The following TACC2 variants were observed in gnomAD, a reference collection of about 807,000 sequenced individuals.
The protein encoded by TACC2 is transforming acidic coiled-coil containing protein 2, also known as transforming acidic coiled-coil-containing protein 2.
Under a neutral mutation model 227.3 loss-of-function variants are expected in TACC2, and 137 were observed. The ratio of observed to expected loss-of-function variants is 0.60; its 90% CI spans 0.52 to 0.69. The LOEUF is 0.69. Among genes scored for constraint, TACC2 ranks in the 30% least tolerant of loss-of-function variants. The pLI, the probability that TACC2 is intolerant of heterozygous loss-of-function variation, is 0.00. For synonymous variants in TACC2, 1,523 were observed against 1,487.5 expected, an observed-to-expected ratio of 1.02 and a Z score of -0.55; for missense variants, 3,470 against 3,694.4, an observed-to-expected ratio of 0.94 and a Z score of 1.57.
chr10:122,023,826 G>GTAA, intron 2 of TACC2: 1 of 145,434 alleles, frequency 6.9e-6, no homozygotes, highest in Middle Eastern at 3.3e-3. Flanking sequence ...TGAGGGGGGG[G>GTAA]AAAAAAAAAG....
intron 5 of TACC2, among the ~76,000 whole-genome samples, chr10:122,114,878 T>TA (rs1184093561): frequency 6.6e-6 from 1 of 152,168 alleles, no homozygotes; most frequent in Non-Finnish European, 1.5e-5. Context: ...TTTTCTCTCT[T>TA]AAAAAAATAA....
chr10:122,111,032 G>A (rs771385418), intron 5 of TACC2, among the ~76,000 whole-genome samples: 4 of 152,000 alleles, frequency 2.6e-5, no homozygotes, highest in African/African-American at 9.7e-5. Context: ...CTAATCTCTC[G>A]CTCACTGTGC....
At chr10:122,089,297 G>A (rs1449264822) in intron 5 of TACC2, among the ~76,000 whole-genome samples, 3 of 151,894 alleles carry the variant, frequency 2.0e-5, no homozygotes, top group Admixed American at 6.6e-5. Context: ...CCCCACACCC[G>A]CCGCATCATC....
In TACC2 at chr10:122,237,999, T is replaced by C. The variant is rs2095893659; in HGVS notation, c.8310T>C (p.Asp2770=). ...AGAGAGAGGTCTCAGAATGGAAAGA[T>C]AAATATGAAGAAAGCAGGCGGGAAG... ...TKEREVSEWK[D]KYEESRREVM... The change falls in exon 18 of 23, where the codon GAT becomes GAC. Residue 2770 remains aspartate (D), a synonymous_variant. Transcript: ENST00000369005. 1 of 1,614,120 alleles carries C rather than the reference T, an allele frequency of 6.2e-7. No individual in the cohort carries two copies. The highest frequency in any genetic ancestry group is 8.5e-7 in the Non-Finnish European group (1 of 1,180,020).
At chr10:122,108,426 G>C (rs11200402) in intron 5 of TACC2, among the ~76,000 whole-genome samples, 1 of 143,494 alleles carries the variant, frequency 7.0e-6, no homozygotes, top group Admixed American at 7.2e-5. Flanking sequence ...ATATATATAT[G>C]TGTATGTCAT....
At chr10:122,242,122 G>A (rs2096009605) in intron 19 of TACC2, 121 bp downstream of exon 19, 9 of 914,010 alleles carry the variant, frequency 9.8e-6, no homozygotes, top group Non-Finnish European at 1.6e-5. Flanking sequence ...TTCAGGGAAG[G>A]ACCAGAGCAT....
intron 3 of TACC2, among the ~76,000 whole-genome samples, chr10:122,054,597 C>G (rs2076035932): frequency 6.6e-6 from 1 of 152,162 alleles, no homozygotes; most frequent in African/African-American, 2.4e-5. Flanking sequence ...TTAGTTAGGT[C>G]AAAAATTGTT....
intron 1 of TACC2, among the ~76,000 whole-genome samples, chr10:121,990,318 G>A (rs919695532): frequency 2.0e-5 from 3 of 151,728 alleles, no homozygotes; most frequent in African/African-American, 7.3e-5. Context: ...GGGTCTCGCC[G>A]TGTTGGCCAG....
chr10:122,192,582 C>T lies in TACC2; in HGVS notation c.5835-2458C>T, dbSNP rs928247141. On this transcript the variant is annotated intron_variant, in intron 7 of 22. Transcript: ENST00000369005. ...CATCTGTGGCCGGTGGTGCAGCTAA[C>T]TTTTTTGGTGACATTGAAAGAGATT... 47 of 413,520 alleles carry T rather than the reference C, an allele frequency of 1.1e-4. 1 individual carries two copies. Among genetic ancestry groups the T allele is most frequent in the South Asian group, 7.8e-4 (46 of 58,898 alleles). 25.6% of individuals were successfully genotyped at this position (413,520 alleles called of 1,614,324 possible).
In TACC2 at chr10:122,141,243, G is replaced by A. The variant is rs1423791553; in HGVS notation, c.5700-2329G>A. 6.6e-6 allele frequency among the ~76,000 whole-genome samples: 1 copy of A among 152,180 alleles called. No individual in the cohort carries two copies. The highest frequency in any genetic ancestry group is 2.4e-5 in the African/African-American group (1 of 41,442). On this transcript the variant is annotated intron_variant, in intron 6 of 22. Coordinates refer to ENST00000369005, the MANE Select transcript of TACC2 (RefSeq NM_206862.4). The surrounding 1 kb of genome is among the most constrained non-coding windows in gnomAD (Gnocchi z 4.3). ...AGGAGGTGTCTGTGGGGGCCCATGTGTTAGCGCTTGGGCTTGGATGGTGAG... is the reference window on the plus strand; with the variant it reads ...AGGAGGTGTCTGTGGGGGCCCATGTATTAGCGCTTGGGCTTGGATGGTGAG...
intron 5 of TACC2, 65 bp from the exon 6 acceptor site, chr10:122,132,544 C>T (rs778468385): frequency 3.7e-5 from 59 of 1,597,906 alleles, no homozygotes; most frequent in East Asian, 1.1e-4. Flanking sequence ...AGCGAAACTC[C>T]GTCTCAAAAC....
At position 122,107,719 on chromosome 10, in the gene TACC2, T is replaced by C. The variant is rs2082994371; in HGVS notation, c.5573+19128T>C. On this transcript the variant is annotated intron_variant, in intron 5 of 22. Coordinates refer to ENST00000369005, the MANE Select transcript of TACC2 (RefSeq NM_206862.4). ...CAATAGGTTTTTGGGGAGCAGGTGG[T>C]GTTTGGTTACATGCATAAGTTCTTT... Among the ~76,000 whole-genome samples, 3 of 150,896 alleles carry C rather than the reference T, an allele frequency of 2.0e-5. No individual in the cohort carries two copies. The South Asian group carries it at 6.2e-4, about 31-fold the overall frequency.
In TACC2 at chr10:122,084,599, C is replaced by A. The variant is rs766512610; in HGVS notation, c.2099C>A (p.Thr700Asn). 52 of 1,613,710 alleles carry A rather than the reference C, an allele frequency of 3.2e-5. No homozygotes were observed. The highest frequency in any genetic ancestry group is 4.4e-5 in the Non-Finnish European group (52 of 1,180,038). The part of the protein sequence containing the change: ...GSGLQPKCPD[T>N]LQSREGLGRM... ...GGATTGCAGCCCAAATGTCCTGACA[C>A]CCTTCAGAGCAGGGAAGGATTGGGA... Residue 700 changes from threonine (T) to asparagine (N), a missense_variant, in exon 4 of 23, where the codon ACC (threonine) becomes AAC (asparagine). Thr to Asn is a moderately conservative substitution (Grantham distance 65). Around this residue, in one of 10 missense-constraint regions of TACC2, gnomAD observed 1,924 missense variants for 1,978.3 expected, o/e 0.97. Transcript: ENST00000369005.
intron 2 of TACC2, among the ~76,000 whole-genome samples, chr10:122,036,169 T>C (rs1262929313): frequency 6.6e-6 from 1 of 151,876 alleles, no homozygotes; most frequent in East Asian, 1.9e-4. Flanking sequence ...CCATTGTGTG[T>C]ATAGACCACA....
intron 7 of TACC2, among the ~76,000 whole-genome samples, chr10:122,187,617 A>C (rs2094251940): frequency 6.6e-6 from 1 of 151,828 alleles, no homozygotes. Flanking sequence ...CAGCCCCGTG[A>C]GTAGCTGGAA....
intron 5 of TACC2, among the ~76,000 whole-genome samples, chr10:122,131,257 G>C (rs1565387054): frequency 6.6e-6 from 1 of 151,710 alleles, no homozygotes; most frequent in Non-Finnish European, 1.5e-5. Flanking sequence ...AGGGACCGCT[G>C]CTCTCTTGTT....
At chr10:122,135,195 T>C (rs953568542) in intron 6 of TACC2, among the ~76,000 whole-genome samples, 1 of 152,168 alleles carries the variant, frequency 6.6e-6, no homozygotes, top group East Asian at 1.9e-4. Flanking sequence ...ACCTGTGTTC[T>C]GAAACCTCCA....
rs893907659 is a variant in TACC2 at position 122,085,578 on chromosome 10, A to T, written c.3078A>T (p.Pro1026=). 17 of 1,613,088 alleles carry T rather than the reference A, an allele frequency of 1.1e-5. No homozygotes were observed. In the African/African-American group the frequency reaches 1.2e-4, roughly 11 times the overall value. Reference sequence around the variant, plus strand: ...CTGAAGCAGCTGATGGTTGTTCCCCACTCTGGGGCTTGAGTAAGAGGGAGA... The same window carrying T: ...CTGAAGCAGCTGATGGTTGTTCCCCTCTCTGGGGCTTGAGTAAGAGGGAGA... The part of the protein sequence containing the change: ...GASEAADGCS[P]LWGLSKREMA... Residue 1026 remains proline (P), a synonymous_variant, in exon 4 of 23, where the codon CCA becomes CCT. Coordinates refer to ENST00000369005, the MANE Select transcript of TACC2 (RefSeq NM_206862.4).
chr10:122,114,234 G>A (rs10749442), intron 5 of TACC2, among the ~76,000 whole-genome samples: 113,338 of 152,062 alleles, frequency 0.75, 44,624 homozygotes, highest in East Asian at 0.93. Flanking sequence ...CTCTGTTACC[G>A]GAGAGAACTC....
Sources: gnomAD v4.1 joint callset for allele counts (sites outside exome capture counted in the v4.1 genomes callset) on GRCh38, gnomAD v4.1.1 for gene constraint, gnomAD v4.1.1 regional missense constraint, Gnocchi (gnomAD v3.1) non-coding constraint, MANE v1.5 for transcripts, NCBI Gene and HGNC (gene_info 2026-07-23, HGNC 2026-07-21) for gene names.